Variants in TVP23A observed in about 807,000 individuals in gnomAD.
TVP23A encodes the protein Golgi apparatus membrane protein TVP23 homolog A.
In TVP23A, 21 loss-of-function variants were observed where a neutral mutation model predicts 31.7. That is an observed-to-expected ratio of 0.66 (90% CI 0.47 to 0.95). TVP23A has a LOEUF of 0.95. Among genes scored for constraint, TVP23A ranks in the 40% least tolerant of loss-of-function variants. The pLI is 0.00. For synonymous variants in TVP23A, 104 were observed against 96.0 expected (o/e 1.08, Z -0.49); for missense variants, 279 against 255.6 (o/e 1.09, Z -0.62).
chr16:10,808,430 T>G (rs2034042757), intron 2 of TVP23A: 1 of 435,678 alleles, frequency 2.3e-6, no homozygotes, highest in Admixed American at 2.6e-5. Context: ...TGTGATTTCC[T>G]GTAGTGTCTG....
At position 10,772,985 on chromosome 16, in the gene TVP23A, C is replaced by T. The variant is rs574463845; in HGVS notation, c.453+328G>A. Among the ~76,000 whole-genome samples the T allele has an allele frequency of 6.6e-5, 10 of 152,102 alleles. No individual in the cohort carries two copies. In the East Asian group the frequency reaches 1.6e-3, roughly 24 times the overall value. On this transcript the variant is annotated intron_variant, in intron 5 of 7. Transcript: ENST00000299866. Reference sequence around the variant, plus strand: ...GCAACCTTTGCTTCCCGGGCTCAAGCGTGCACACCATCATGCCTGGCTAAT... The same window carrying T: ...GCAACCTTTGCTTCCCGGGCTCAAGTGTGCACACCATCATGCCTGGCTAAT...
chr16:10,786,685 A>C (rs143106809), intron 2 of TVP23A, among the ~76,000 whole-genome samples: 412 of 150,140 alleles, frequency 2.7e-3, no homozygotes, highest in African/African-American at 9.8e-3. Context: ...GGAGGGGGTG[A>C]AGATGAAACG....
intron 2 of TVP23A, among the ~76,000 whole-genome samples, chr16:10,809,405 G>A (rs2034093587): frequency 6.6e-6 from 1 of 152,238 alleles, no homozygotes; most frequent in South Asian, 2.1e-4. Context: ...GCACTGGAGG[G>A]ACTGAGTTGG....
In TVP23A at chr16:10,768,245, T is replaced by C. The variant is rs1312805898; in HGVS notation, c.*857A>G. ...TTTAAAAAACATGGTGAGGGTGAAA[T>C]TTATGGCTTAGGAAATACATCCCAA... On this transcript the variant is annotated 3_prime_UTR_variant, in exon 8 of 8. Coordinates refer to ENST00000299866, the MANE Select transcript of TVP23A (RefSeq NM_001079512.4). The surrounding 1 kb of genome is among the most constrained non-coding windows in gnomAD (Gnocchi z 4.3). 1.2e-5 allele frequency: 5 copies of C among 427,338 alleles called. No individual in the cohort carries two copies. The Admixed American group carries it at 1.6e-4, about 14-fold the overall frequency. 26.5% of individuals were successfully genotyped at this position (427,338 alleles called of 1,614,324 possible).
In TVP23A at chr16:10,818,038, G is replaced by C. The variant is rs2034515970; in HGVS notation, c.89+65C>G. 7.5e-7 allele frequency: 1 copy of C among 1,341,642 alleles called. No homozygotes were observed. Among genetic ancestry groups the C allele is most frequent in the South Asian group, 1.2e-5 (1 of 80,116 alleles). 83.1% of individuals were successfully genotyped at this position (1,341,642 alleles called of 1,614,324 possible). On this transcript the variant is annotated intron_variant, in intron 2 of 7. Coordinates refer to ENST00000299866, the MANE Select transcript of TVP23A (RefSeq NM_001079512.4). This position sits in a 1 kb window ranked among gnomAD's most constrained non-coding sequence, Gnocchi z 4.7. ...GGTGCTCAATATATTTTGAATGAAT[G>C]AGTGAGTAAATGAATGAATTTGCAG... is the stretch of plus-strand genomic sequence containing the variant.
Position 10,769,099 on chromosome 16 carries a change from T to C in TVP23A, c.*3A>G. The C allele has an allele frequency of 6.2e-7, 1 of 1,614,004 alleles. No individual in the cohort carries two copies. The highest frequency in any genetic ancestry group is 8.5e-7 in the Non-Finnish European group (1 of 1,179,952). ...AGTCAAAAGAAGAGAACCTCATCAG[T>C]TCCTGAAACGAGAGAATGTTCAGGA... On this transcript the variant is annotated splice_region_variant and 3_prime_UTR_variant, in exon 8 of 8. Coordinates refer to ENST00000299866, the MANE Select transcript of TVP23A (RefSeq NM_001079512.4).
chr16:10,761,993 A>G, downstream of TVP23A: 1 of 663,976 alleles, frequency 1.5e-6, no homozygotes. Context: ...AGCCAGACCC[A>G]CCCTCCAGCT....
chr16:10,791,162 T>A (rs1182782362), intron 2 of TVP23A, among the ~76,000 whole-genome samples: 1 of 152,164 alleles, frequency 6.6e-6, no homozygotes, highest in Non-Finnish European at 1.5e-5. Flanking sequence ...ATTGCTTGAC[T>A]CATTAATAGT....
chr16:10,795,357 T>C (rs1279310466), intron 2 of TVP23A, among the ~76,000 whole-genome samples: 3 of 151,860 alleles, frequency 2.0e-5, no homozygotes, highest in Non-Finnish European at 4.4e-5. Context: ...TTCAAGTGAT[T>C]CTCCTGCCTC....
chr16:10,761,196 G>A (rs1490817681), downstream of TVP23A: 5 of 563,702 alleles, frequency 8.9e-6, no homozygotes, highest in Non-Finnish European at 1.6e-5. Context: ...GGGGATTACA[G>A]TTCGAGCTGA....
In TVP23A at chr16:10,818,652, C is replaced by T. The variant is rs959897684; in HGVS notation, c.-159G>A. On this transcript the variant is annotated 5_prime_UTR_variant, in exon 1 of 8. Coordinates refer to ENST00000299866, the MANE Select transcript of TVP23A (RefSeq NM_001079512.4). This position sits in a 1 kb window ranked among gnomAD's most constrained non-coding sequence, Gnocchi z 4.7. ...GTGGGGCAGCCTCAGCGCAGCTTCT[C>T]GGGTGGGGCGGGGCGCTCGGGGCCT... 6.3e-5 allele frequency: 56 copies of T among 889,006 alleles called. No individual in the cohort carries two copies. The highest frequency in any genetic ancestry group is 8.5e-5 in the Non-Finnish European group (54 of 632,898). 55.1% of individuals were successfully genotyped at this position (889,006 alleles called of 1,614,324 possible).
At chr16:10,772,549 T>C (rs972473230) in intron 5 of TVP23A, among the ~76,000 whole-genome samples, 1 of 152,164 alleles carries the variant, frequency 6.6e-6, no homozygotes. Flanking sequence ...TTGGTATCTA[T>C]AGTACAGACA....
At chr16:10,812,439 C>A (rs1348435337) in intron 2 of TVP23A, among the ~76,000 whole-genome samples, 1 of 152,144 alleles carries the variant, frequency 6.6e-6, no homozygotes, top group Non-Finnish European at 1.5e-5. Context: ...AGCAGAATCT[C>A]AAAAAGAGAT....
intron 2 of TVP23A, among the ~76,000 whole-genome samples, chr16:10,782,903 G>A (rs904565599): frequency 2.6e-5 from 4 of 152,050 alleles, no homozygotes; most frequent in African/African-American, 9.7e-5. Context: ...CTCCAGACCA[G>A]CAAGAACAAC....
At chr16:10,761,870 C>T, downstream of TVP23A, 1 of 1,606,112 alleles carries the variant, frequency 6.2e-7, no homozygotes, top group Non-Finnish European at 8.5e-7. Flanking sequence ...GTGGGTGACC[C>T]CAGTGTGGGG....
intron 2 of TVP23A, among the ~76,000 whole-genome samples, chr16:10,803,678 T>C (rs547906716): frequency 7.9e-5 from 12 of 152,240 alleles, no homozygotes; most frequent in African/African-American, 2.2e-4. Flanking sequence ...CAGCAGGGTA[T>C]CCATGAGGCT....
At chr16:10,803,540 T>G (rs996786589) in intron 2 of TVP23A, among the ~76,000 whole-genome samples, 1 of 151,792 alleles carries the variant, frequency 6.6e-6, no homozygotes, top group African/African-American at 2.4e-5. Flanking sequence ...GTAAACAGAG[T>G]CACAATCAAA....
chr16:10,775,121 C>T (rs1204310758), intron 2 of TVP23A, 25 bp from the exon 3 acceptor site: 10 of 1,595,298 alleles, frequency 6.3e-6, no homozygotes, highest in African/African-American at 1.3e-5. Context: ...AGAAGGCGCC[C>T]TCACTCCAAG....
chr16:10,797,807 C>T (rs1046134973), intron 2 of TVP23A, among the ~76,000 whole-genome samples: 10 of 151,540 alleles, frequency 6.6e-5, no homozygotes, highest in African/African-American at 2.4e-4. Context: ...TCAAAATGAT[C>T]GGGGGAAGGT....
Sources: allele counts gnomAD v4.1 joint callset (sites outside exome capture counted in the v4.1 genomes callset), GRCh38; gene constraint gnomAD v4.1.1; non-coding constraint Gnocchi (gnomAD v3.1); transcripts MANE v1.5; gene names NCBI Gene and HGNC (gene_info 2026-07-23, HGNC 2026-07-21).